Variants in TMX2 observed in about 807,000 individuals in gnomAD.
TMX2 encodes thioredoxin related transmembrane protein 2, also known as thioredoxin-related transmembrane protein 2.
A neutral mutation model predicts 33.4 loss-of-function variants in TMX2; 20 were observed. The ratio of observed to expected loss-of-function variants is 0.60; its 90% CI spans 0.42 to 0.87. TMX2 has a LOEUF of 0.87. Ranked by LOEUF, TMX2 falls within the 40% of genes least tolerant of loss-of-function variation. TMX2 has a pLI of 0.00. For synonymous variants in TMX2, 166 were observed against 140.7 expected (o/e 1.18, Z -1.27); for missense variants, 340 against 370.7 (o/e 0.92, Z 0.68).
intron 1 of TMX2, among the ~76,000 whole-genome samples, chr11:57,722,055 G>C (rs969834239): frequency 1.3e-5 from 2 of 152,148 alleles, no homozygotes; most frequent in African/African-American, 4.8e-5. Context: ...CAGTGCAGTG[G>C]CATGGTCGCA....
chr11:57,737,471 T>TA (rs1948820828), intron 1 of TMX2, 137 bp from the exon 2 acceptor site: 1 of 690,810 alleles, frequency 1.4e-6, no homozygotes, highest in Admixed American at 2.3e-5. Flanking sequence ...CCGTACACCT[T>TA]ACCTAACTGC....
At chr11:57,718,148 A>G in intron 1 of TMX2, 1 of 1,218,684 alleles carries the variant, frequency 8.2e-7, no homozygotes, top group Non-Finnish European at 1.2e-6. Flanking sequence ...TCACCTTGCC[A>G]AAGACCACAT....
intron 1 of TMX2, among the ~76,000 whole-genome samples, chr11:57,735,558 G>A (rs1376857270): frequency 6.6e-6 from 1 of 152,180 alleles, no homozygotes; most frequent in Non-Finnish European, 1.5e-5. Context: ...TGGCTATCCT[G>A]TCAGGCAGGG....
intron 1 of TMX2, among the ~76,000 whole-genome samples, chr11:57,723,668 T>TG (rs1034411504): frequency 1.3e-5 from 2 of 151,150 alleles, no homozygotes; most frequent in Non-Finnish European, 2.9e-5. Context: ...CCGGGCATGG[T>TG]GGCGAGTGCC....
chr11:57,730,122 A>ATT (rs922217247), intron 1 of TMX2, among the ~76,000 whole-genome samples: 1 of 133,908 alleles, frequency 7.5e-6, no homozygotes, highest in Admixed American at 7.8e-5. Context: ...AAAAAAAATA[A>ATT]TTATATATAT....
intron 1 of TMX2, among the ~76,000 whole-genome samples, chr11:57,729,381 T>C (rs917185200): frequency 1.3e-5 from 2 of 152,208 alleles, no homozygotes; most frequent in African/African-American, 2.4e-5. Flanking sequence ...TAAAAACCAC[T>C]GTTCTCTGTT....
At chr11:57,737,376 G>A (rs1269708628) in intron 1 of TMX2, among the ~76,000 whole-genome samples, 4 of 152,180 alleles carry the variant, frequency 2.6e-5, no homozygotes, top group African/African-American at 9.7e-5. Flanking sequence ...CAACAAGAGT[G>A]AAACTCTGTC....
intron 1 of TMX2, among the ~76,000 whole-genome samples, chr11:57,731,807 C>T (rs1317867953): frequency 1.3e-5 from 2 of 152,062 alleles, no homozygotes; most frequent in African/African-American, 4.8e-5. Context: ...GTATGTCATT[C>T]TGATAAGAAT....
intron 1 of TMX2, among the ~76,000 whole-genome samples, chr11:57,728,050 C>T (rs1456139942): frequency 2.0e-5 from 3 of 152,240 alleles, no homozygotes; most frequent in Non-Finnish European, 2.9e-5. Context: ...AAATATTAAG[C>T]TCTACCCAGA....
intron 1 of TMX2, chr11:57,718,201 G>T (rs1006772380): frequency 1.5e-6 from 2 of 1,362,750 alleles, no homozygotes; most frequent in East Asian, 2.3e-5. Flanking sequence ...TAGATGAAAA[G>T]CTGGGAACCT....
chr11:57,715,553 A>G (rs1946920081), intron 1 of TMX2, among the ~76,000 whole-genome samples: 1 of 149,508 alleles, frequency 6.7e-6, no homozygotes, highest in Non-Finnish European at 1.5e-5. Flanking sequence ...TAAAATTTCC[A>G]TAAACCTTTT....
At chr11:57,737,705 C>G (rs375644772) in intron 2 of TMX2, 37 bp downstream of exon 2, 2 of 1,598,898 alleles carry the variant, frequency 1.3e-6, no homozygotes, top group Non-Finnish European at 1.7e-6. Flanking sequence ...AAGGTTAGAT[C>G]TAATGCCCTT....
chr11:57,727,126 G>A (rs546643218), intron 1 of TMX2, among the ~76,000 whole-genome samples: 2 of 152,154 alleles, frequency 1.3e-5, no homozygotes, highest in South Asian at 2.1e-4. Context: ...TTAAAGACCC[G>A]GATCATAATA....
rs566956266 is a variant in TMX2 at position 57,713,869 on chromosome 11, G to C, written c.189+1062G>C. Among the ~76,000 whole-genome samples the C allele has an allele frequency of 9.0e-4, 137 of 152,290 alleles. 1 individual carries two copies. Among genetic ancestry groups the C allele is most frequent in the African/African-American group, 3.0e-3 (125 of 41,552 alleles). On this transcript the variant is annotated intron_variant, in intron 1 of 7. Transcript: ENST00000278422. Reference sequence around the variant, plus strand: ...TGTTGGGCCTGCAGAGCAGACAATGGTTTCTGACAAAAATCTGTCCAGGTG... The same window carrying C: ...TGTTGGGCCTGCAGAGCAGACAATGCTTTCTGACAAAAATCTGTCCAGGTG...
At chr11:57,729,977 A>G (rs539743041) in intron 1 of TMX2, among the ~76,000 whole-genome samples, 1 of 145,952 alleles carries the variant, frequency 6.9e-6, no homozygotes, top group Non-Finnish European at 1.5e-5. Flanking sequence ...GCATGGTGGC[A>G]TGCACTGTAG....
chr11:57,734,365 G>C (rs1268246433), intron 1 of TMX2, among the ~76,000 whole-genome samples: 1 of 152,184 alleles, frequency 6.6e-6, no homozygotes, highest in Non-Finnish European at 1.5e-5. Context: ...AGTAGCAATA[G>C]CTAGTCCCTC....
At chr11:57,730,296 G>C (rs1440426960) in intron 1 of TMX2, among the ~76,000 whole-genome samples, 4 of 149,444 alleles carry the variant, frequency 2.7e-5, no homozygotes, top group Non-Finnish European at 5.9e-5. Context: ...CCATGGTGGT[G>C]GGCGCCTATA....
intron 1 of TMX2, among the ~76,000 whole-genome samples, chr11:57,720,305 G>A (rs1431707043): frequency 6.6e-6 from 1 of 152,110 alleles, no homozygotes; most frequent in Non-Finnish European, 1.5e-5. Flanking sequence ...GTCTATATAT[G>A]TATGTATATG....
intron 1 of TMX2, among the ~76,000 whole-genome samples, chr11:57,716,058 C>T (rs985217368): frequency 7.9e-5 from 12 of 152,278 alleles, no homozygotes; most frequent in African/African-American, 1.9e-4. Flanking sequence ...TCCACAAAAC[C>T]GCCATTGTCA....
Sources: gnomAD v4.1 joint callset for allele counts (sites outside exome capture counted in the v4.1 genomes callset) on GRCh38, gnomAD v4.1.1 for gene constraint, MANE v1.5 for transcripts, NCBI Gene and HGNC (gene_info 2026-07-23, HGNC 2026-07-21) for gene names.